The following ATRX variants were observed in gnomAD, a reference collection of about 807,000 sequenced individuals.
ATRX encodes the protein chromatin remodeler ATRX.
Under a neutral mutation model 172.6 loss-of-function variants are expected in ATRX, and 12 were observed. That is an observed-to-expected ratio of 0.07 (90% CI 0.04 to 0.11). The LOEUF (loss-of-function observed/expected upper bound fraction) is 0.11, where lower values mean the gene tolerates loss of function less well. Ranked by LOEUF, ATRX falls within the 10% of genes least tolerant of loss-of-function variation. ATRX has a pLI of 1.00. For synonymous variants in ATRX, 674 were observed against 594.7 expected (o/e 1.13, Z -1.94); for missense variants, 1,368 against 1,767.4 (o/e 0.77, Z 4.05).
chrX:77,705,086 GGGGCTCCTGCTGCACCCA>G (rs2072742901), intron 2 of ATRX, among the ~76,000 whole-genome samples: 1 of 111,470 alleles, frequency 9.0e-6, no homozygotes, highest in Admixed American at 9.4e-5. Context: ...GGCTGCACCC[GGGGCTCCTGCTGCACCCA>G]GGGCTCCTGC....
At chrX:77,785,596 T>A (rs1395921503) in intron 1 of ATRX, among the ~76,000 whole-genome samples, 1 of 56,619 alleles carries the variant, frequency 1.8e-5, no homozygotes, top group African/African-American at 7.1e-5. Context: ...CCCCGCTTCT[T>A]CCCCACGCAG....
chrX:77,619,001 TCATTAACAA>T lies in ATRX; in HGVS notation c.5273-29_5273-21del. The stretch of plus-strand genomic sequence containing the variant: ...AATGATCTAAGAGAGAAGACATTAT[TCATTAACAA>T]CATTAACAATCGTTAAAAAGACTTA... On this transcript the variant is annotated intron_variant, in intron 20 of 34. Coordinates refer to ENST00000373344, the MANE Select transcript of ATRX (RefSeq NM_000489.6). 1 of 1,087,049 alleles carries T rather than the reference TCATTAACAA, an allele frequency of 9.2e-7. No homozygotes were observed. The highest frequency in any genetic ancestry group is 1.3e-6 in the Non-Finnish European group (1 of 788,596). 89.6% of individuals were successfully genotyped at this position (1,087,049 alleles called of 1,213,427 possible).
intron 10 of ATRX, among the ~76,000 whole-genome samples, chrX:77,672,708 C>T (rs1335589454): frequency 9.2e-6 from 1 of 109,233 alleles, no homozygotes; most frequent in Admixed American, 9.9e-5. Context: ...AGCATTTAGT[C>T]GCACCCACAG....
At chrX:77,704,055 C>T (rs1382683720) in intron 2 of ATRX, among the ~76,000 whole-genome samples, 1 of 111,130 alleles carries the variant, frequency 9.0e-6, no homozygotes, top group African/African-American at 3.3e-5. Context: ...AGAGAGGAGG[C>T]CTGAGAGTGG....
At chrX:77,727,166 G>C (rs1308645061) in intron 1 of ATRX, among the ~76,000 whole-genome samples, 2 of 111,037 alleles carry the variant, frequency 1.8e-5, no homozygotes, top group Non-Finnish European at 3.8e-5. Flanking sequence ...CGATCATTAA[G>C]AAGTCAGGAA....
At chrX:77,724,579 C>A (rs1405220446) in intron 1 of ATRX, among the ~76,000 whole-genome samples, 1 of 110,511 alleles carries the variant, frequency 9.0e-6, no homozygotes, top group Admixed American at 9.7e-5. Context: ...TTGGAAATAG[C>A]CAGTTTTCAC....
chrX:77,531,997 CAA>C (rs1273349720), intron 30 of ATRX, among the ~76,000 whole-genome samples: 2 of 111,190 alleles, frequency 1.8e-5, no homozygotes, highest in Non-Finnish European at 3.8e-5. Context: ...AACAGGCAAG[CAA>C]AGAGCCAAAT....
At chrX:77,766,395 C>T (rs1482945450) in intron 1 of ATRX, among the ~76,000 whole-genome samples, 4 of 110,609 alleles carry the variant, frequency 3.6e-5, no homozygotes, top group East Asian at 2.9e-4. Context: ...GGGGTGGCAG[C>T]GGGGCAGAGG....
intron 28 of ATRX, 61 bp downstream of exon 28, chrX:77,574,189 T>C: frequency 1.3e-6 from 1 of 797,434 alleles, no homozygotes; most frequent in Non-Finnish European, 1.9e-6. Context: ...ATAGTGAACT[T>C]TATGTAAATT....
intron 17 of ATRX, 165 bp downstream of exon 17, chrX:77,634,429 C>A: frequency 4.6e-6 from 2 of 435,210 alleles, no homozygotes; most frequent in Non-Finnish European, 8.0e-6. Flanking sequence ...ATTTGATTAG[C>A]AGCTCTCTCC....
At chrX:77,726,905 A>T (rs1170298473) in intron 1 of ATRX, among the ~76,000 whole-genome samples, 1 of 111,341 alleles carries the variant, frequency 9.0e-6, no homozygotes, top group Non-Finnish European at 1.9e-5. Context: ...GAATTGGAAA[A>T]TTTTTTAAAA....
At chrX:77,698,992 G>A in intron 2 of ATRX, 1 of 182,676 alleles carries the variant, frequency 5.5e-6, no homozygotes, top group Non-Finnish European at 1.0e-5. Flanking sequence ...TAAAATACTG[G>A]GAAAATAAGA....
chrX:77,557,616 C>A lies in ATRX; in HGVS notation c.6534G>T (p.Arg2178=), dbSNP rs782771702. 1.9e-5 allele frequency: 23 copies of A among 1,205,788 alleles called. No individual in the cohort carries two copies. Among genetic ancestry groups the A allele is most frequent in the Non-Finnish European group, 2.2e-5 (20 of 893,286 alleles). The change falls in exon 30 of 35, where the codon CGG becomes CGT. Residue 2178 remains arginine (R), a synonymous_variant. Transcript: ENST00000373344. ...QGTMEDKIYD[R]QVTKQSLSFR... is the part of the protein sequence containing the mutation. Reference sequence around the variant, plus strand: ...AAGACAGTGACTGCTTAGTTACTTGCCGATCATAAATCTTATCTTCCATGG... The same window carrying A: ...AAGACAGTGACTGCTTAGTTACTTGACGATCATAAATCTTATCTTCCATGG...
At chrX:77,737,437 G>A (rs1277957632) in intron 1 of ATRX, among the ~76,000 whole-genome samples, 2 of 71,224 alleles carry the variant, frequency 2.8e-5, no homozygotes, top group Non-Finnish European at 5.6e-5. Flanking sequence ...AAAAAAAAAG[G>A]GGGGGGGGGG....
At chrX:77,774,049 C>A (rs2076260692) in intron 1 of ATRX, among the ~76,000 whole-genome samples, 1 of 109,855 alleles carries the variant, frequency 9.1e-6, no homozygotes, top group Admixed American at 9.8e-5. Context: ...ATGGTGCAAC[C>A]CCATCTCTAC....
At chrX:77,639,886 A>T (rs187207573) in intron 15 of ATRX, among the ~76,000 whole-genome samples, 142 of 112,572 alleles carry the variant, frequency 1.3e-3, no homozygotes, top group African/African-American at 3.1e-3. Context: ...AGTACTCATA[A>T]GTTCATTGCC....
At chrX:77,624,064 G>A (rs952246938) in intron 19 of ATRX, among the ~76,000 whole-genome samples, 10 of 111,593 alleles carry the variant, frequency 9.0e-5, no homozygotes, top group Middle Eastern at 4.7e-3. Flanking sequence ...GCAATCAGAC[G>A]AAAGAAATAA....
chrX:77,582,428 A>T (rs2065859985), intron 27 of ATRX, among the ~76,000 whole-genome samples: 1 of 110,796 alleles, frequency 9.0e-6, no homozygotes. Context: ...AACAAAAAAG[A>T]AGAGAAGAGA....
chrX:77,575,349 A>G (rs1260761095), intron 27 of ATRX, among the ~76,000 whole-genome samples: 1 of 110,405 alleles, frequency 9.1e-6, no homozygotes, highest in East Asian at 2.8e-4. Context: ...AAGTCATTTT[A>G]TTTATGATTT....
Sources: gnomAD v4.1 joint callset for allele counts (sites outside exome capture counted in the v4.1 genomes callset) on GRCh38, gnomAD v4.1.1 for gene constraint, MANE v1.5 for transcripts, NCBI Gene and HGNC (gene_info 2026-07-23, HGNC 2026-07-21) for gene names.